GNG4: variants seen among roughly 807,000 people sequenced by gnomAD.
The protein encoded by GNG4 is G protein subunit gamma 4, also known as guanine nucleotide-binding protein G(I)/G(S)/G(O) subunit gamma-4.
A neutral mutation model predicts 5.8 loss-of-function variants in GNG4; 4 were observed. The observed-to-expected ratio is 0.69, with a 90% CI of 0.34 to 1.57. The LOEUF is 1.57. GNG4 is among the 40% of genes most tolerant of loss of function. The pLI is 0.06. For synonymous variants in GNG4, 29 were observed against 32.9 expected, an observed-to-expected ratio of 0.88 and a Z score of 0.41; for missense variants, 96 against 95.1, an observed-to-expected ratio of 1.01 and a Z score of -0.04.
intron 3 of GNG4, among the ~76,000 whole-genome samples, chr1:235,564,877 G>A (rs746044149): frequency 2.0e-5 from 3 of 152,056 alleles, no homozygotes; most frequent in Non-Finnish European, 4.4e-5. Context: ...GTAGAGATGG[G>A]GTTTCACCAT....
intron 2 of GNG4, among the ~76,000 whole-genome samples, chr1:235,593,073 TGAG>T (rs1184174546): frequency 3.6e-4 from 54 of 152,104 alleles, no homozygotes; most frequent in African/African-American, 1.3e-3. Context: ...CTCAGCCTCC[TGAG>T]TAGTTGGGAT....
intron 2 of GNG4, among the ~76,000 whole-genome samples, chr1:235,588,648 G>A (rs933543813): frequency 6.6e-6 from 1 of 151,826 alleles, no homozygotes; most frequent in Non-Finnish European, 1.5e-5. Flanking sequence ...GCCTCTGCGA[G>A]GCCCTCAGAG....
At chr1:235,574,941 C>T (rs1457827164) in intron 3 of GNG4, among the ~76,000 whole-genome samples, 1 of 152,130 alleles carries the variant, frequency 6.6e-6, no homozygotes, top group Non-Finnish European at 1.5e-5. Context: ...TCTCCTGCCT[C>T]AGCCTCCCGA....
intron 2 of GNG4, among the ~76,000 whole-genome samples, chr1:235,592,659 C>A (rs966808929): frequency 6.6e-6 from 1 of 152,218 alleles, no homozygotes; most frequent in Non-Finnish European, 1.5e-5. Context: ...AATCCATCCA[C>A]GACCTGTAAC....
chr1:235,556,296 C>T (rs549342405), intron 3 of GNG4, among the ~76,000 whole-genome samples: 2 of 151,848 alleles, frequency 1.3e-5, no homozygotes, highest in Non-Finnish European at 1.5e-5. Flanking sequence ...CGGTGGCTCA[C>T]GGACTGTAAT....
At chr1:235,615,989 C>A (rs1316792706) in intron 1 of GNG4, 2 of 333,338 alleles carry the variant, frequency 6.0e-6, no homozygotes, top group Non-Finnish European at 1.2e-5. Context: ...ATGTCCTCAG[C>A]AGCCTGGCCA....
chr1:235,573,370 T>C (rs765042669), intron 3 of GNG4, among the ~76,000 whole-genome samples: 3 of 151,408 alleles, frequency 2.0e-5, no homozygotes, highest in Non-Finnish European at 4.4e-5. Context: ...AAATGCCTAA[T>C]GTAAATGACG....
intron 1 of GNG4, among the ~76,000 whole-genome samples, chr1:235,624,764 G>T (rs1408214083): frequency 6.6e-6 from 1 of 152,128 alleles, no homozygotes; most frequent in Non-Finnish European, 1.5e-5. Context: ...GATCAAAGAA[G>T]GTTTCCTTGT....
At chr1:235,563,403 CAAAAAAAAAAA>C (rs57471662) in intron 3 of GNG4, among the ~76,000 whole-genome samples, 22 of 52,412 alleles carry the variant, frequency 4.2e-4, no homozygotes, top group African/African-American at 1.1e-3. Flanking sequence ...GAAACTGTCT[CAAAAAAAAAAA>C]AAAAAAAAAA....
At chr1:235,568,510 A>T (rs1687257356) in intron 3 of GNG4, among the ~76,000 whole-genome samples, 1 of 152,234 alleles carries the variant, frequency 6.6e-6, no homozygotes, top group South Asian at 2.1e-4. Context: ...AAGTTTGCTA[A>T]AGAAAAGCAG....
At chr1:235,591,017 C>T (rs1250358262) in intron 2 of GNG4, among the ~76,000 whole-genome samples, 2 of 151,936 alleles carry the variant, frequency 1.3e-5, no homozygotes, top group Non-Finnish European at 2.9e-5. Flanking sequence ...TAACGAGCTT[C>T]GTGAGGCTGC....
chr1:235,622,873 CAAA>C (rs59428350), intron 1 of GNG4, among the ~76,000 whole-genome samples: 8 of 66,644 alleles, frequency 1.2e-4, no homozygotes, highest in African/African-American at 4.3e-4. Context: ...GACTCCATCT[CAAA>C]AAAAAAAAAA....
At chr1:235,615,923 C>T (rs1213479088) in intron 1 of GNG4, 9 of 296,582 alleles carry the variant, frequency 3.0e-5, no homozygotes, top group Non-Finnish European at 6.5e-6. Flanking sequence ...TGAAAGGTGT[C>T]CACTACTTTA....
chr1:235,623,203 A>T (rs1688744132), intron 1 of GNG4, among the ~76,000 whole-genome samples: 2 of 152,092 alleles, frequency 1.3e-5, no homozygotes, highest in African/African-American at 4.8e-5. Context: ...ACCACTGTGC[A>T]ATTCTGAACT....
At chr1:235,612,899 G>T (rs1688511257) in intron 1 of GNG4, among the ~76,000 whole-genome samples, 1 of 152,126 alleles carries the variant, frequency 6.6e-6, no homozygotes, top group African/African-American at 2.4e-5. Context: ...TGCCAGCATG[G>T]TCAGGTTGTG....
At chr1:235,622,035 A>G (rs1688723318) in intron 1 of GNG4, among the ~76,000 whole-genome samples, 1 of 152,192 alleles carries the variant, frequency 6.6e-6, no homozygotes, top group Non-Finnish European at 1.5e-5. Flanking sequence ...AGAAAATAAA[A>G]TTAACTTATG....
At chr1:235,613,179 C>T (rs540924483) in intron 1 of GNG4, among the ~76,000 whole-genome samples, 7 of 152,238 alleles carry the variant, frequency 4.6e-5, no homozygotes, top group African/African-American at 1.2e-4. Flanking sequence ...CAAAGCATGG[C>T]GTCTACATCA....
intron 3 of GNG4, among the ~76,000 whole-genome samples, chr1:235,556,068 TG>T (rs1410962180): frequency 1.3e-5 from 2 of 151,852 alleles, no homozygotes; most frequent in Non-Finnish European, 2.9e-5. Context: ...GGTTTCTCCA[TG>T]TTGGCCGGGC....
chr1:235,580,177 T>C (rs1008324564), intron 3 of GNG4, among the ~76,000 whole-genome samples: 5 of 152,174 alleles, frequency 3.3e-5, no homozygotes, highest in African/African-American at 7.2e-5. Context: ...AGATAAATAC[T>C]GTATGATCCC....
Sources: allele counts gnomAD v4.1 joint callset (sites outside exome capture counted in the v4.1 genomes callset), GRCh38; gene constraint gnomAD v4.1.1; transcripts MANE v1.5; gene names NCBI Gene and HGNC (gene_info 2026-07-23, HGNC 2026-07-21).